Variants in ABR observed in about 807,000 individuals in gnomAD.
ABR encodes ABR activator of RhoGEF and GTPase.
Under a neutral mutation model 107.2 loss-of-function variants are expected in ABR, and 35 were observed. That is an observed-to-expected ratio of 0.33 (90% CI 0.25 to 0.43). The LOEUF (loss-of-function observed/expected upper bound fraction) is 0.43. Ranked by LOEUF, ABR falls within the 20% of genes least tolerant of loss-of-function variation. The probability of loss-of-function intolerance (pLI) is 1.00; values close to 1 mark genes in which losing one functional copy is unlikely to be tolerated. For synonymous variants in ABR, 498 were observed against 462.0 expected, an observed-to-expected ratio of 1.08 and a Z score of -1.00; for missense variants, 815 against 1,115.2, an observed-to-expected ratio of 0.73 and a Z score of 3.83.
chr17:1,013,104 C>T lies in ABR; in HGVS notation c.1851+1G>A. On this transcript the variant is annotated splice_donor_variant, in intron 17 of 22. Transcript: ENST00000302538. LOFTEE classifies it high-confidence loss of function. ...ACTGATCATTCCCATCCCCGGCTCA[C>T]CCCGTTCATCTCAATCACGTCCGTG... 6.2e-7 allele frequency: 1 copy of T among 1,614,082 alleles called. No homozygotes were observed. The highest frequency in any genetic ancestry group is 1.1e-5 in the South Asian group (1 of 91,084).
At chr17:1,125,139 C>T (rs191471413) in intron 2 of ABR, 44 bp downstream of exon 2, 16 of 1,525,140 alleles carry the variant, frequency 1.0e-5, no homozygotes, top group African/African-American at 2.8e-5. Flanking sequence ...CAGGCCTTCC[C>T]GTCACCCCTC....
intron 2 of ABR, among the ~76,000 whole-genome samples, chr17:1,112,178 C>A (rs73975635): frequency 5.3e-5 from 8 of 152,216 alleles, no homozygotes; most frequent in Non-Finnish European, 1.0e-4. Flanking sequence ...TTCATTCATA[C>A]CCAGAAAAGG....
intron 1 of ABR, among the ~76,000 whole-genome samples, chr17:1,149,318 G>A (rs1335908155): frequency 2.0e-5 from 3 of 152,282 alleles, no homozygotes; most frequent in African/African-American, 4.8e-5. Flanking sequence ...CAGGAGGCCA[G>A]GGGGCTGAAC....
At chr17:1,204,098 C>T (rs890681874) in intron 1 of ABR, among the ~76,000 whole-genome samples, 1 of 152,190 alleles carries the variant, frequency 6.6e-6, no homozygotes, top group Non-Finnish European at 1.5e-5. Context: ...GAAGCCACCA[C>T]CAGGGCTCCT....
intron 1 of ABR, among the ~76,000 whole-genome samples, chr17:1,203,953 C>T (rs1296388248): frequency 6.6e-6 from 1 of 152,180 alleles, no homozygotes; most frequent in East Asian, 1.9e-4. Flanking sequence ...CTTTCCTGTC[C>T]GGACCTCGGT....
chr17:1,115,954 A>C (rs563131110), intron 2 of ABR, among the ~76,000 whole-genome samples: 1 of 123,316 alleles, frequency 8.1e-6, no homozygotes, highest in East Asian at 2.6e-4. Flanking sequence ...AGGCTGGGCG[A>C]GGTGGCTCAC....
At chr17:1,222,892 G>A (rs2043143681) in intron 1 of ABR, among the ~76,000 whole-genome samples, 1 of 152,096 alleles carries the variant, frequency 6.6e-6, no homozygotes. Context: ...TTGGGCAACA[G>A]AGTAAGACCC....
chr17:1,134,356 G>A (rs2039969050), intron 1 of ABR, among the ~76,000 whole-genome samples: 4 of 152,092 alleles, frequency 2.6e-5, no homozygotes, highest in Admixed American at 2.6e-4. Flanking sequence ...AGGTTGCAGT[G>A]AGCTGAGATT....
At chr17:1,087,814 G>A (rs1377178382) in intron 4 of ABR, among the ~76,000 whole-genome samples, 1 of 152,208 alleles carries the variant, frequency 6.6e-6, no homozygotes, top group Non-Finnish European at 1.5e-5. Context: ...GCCAGGGGCA[G>A]GAGCCAGCCG....
rs963042262 is a variant in ABR, at chr17:1,168,882, G to A, written c.61+10785C>T. Among the ~76,000 whole-genome samples the A allele has an allele frequency of 3.3e-5, 5 of 152,244 alleles. No individual in the cohort carries two copies. The East Asian group carries it at 7.7e-4, about 23-fold the overall frequency. On this transcript the variant is annotated intron_variant, in intron 1 of 22. Coordinates refer to ENST00000302538, the MANE Select transcript of ABR (RefSeq NM_021962.5). Reference sequence around the variant, plus strand: ...TTCTGAAGATTCTACACCCAAAGATGGCACTTGGTGCCCCAGCTCATCCAG... The same window carrying A: ...TTCTGAAGATTCTACACCCAAAGATAGCACTTGGTGCCCCAGCTCATCCAG...
intron 1 of ABR, among the ~76,000 whole-genome samples, chr17:1,133,821 A>G (rs1289558643): frequency 5.9e-5 from 9 of 152,176 alleles, no homozygotes; most frequent in Admixed American, 5.9e-4. Flanking sequence ...TCTCATTACC[A>G]GGAACGGCTG....
chr17:1,100,582 A>T, intron 3 of ABR, 55 bp downstream of exon 3: 1 of 1,538,420 alleles, frequency 6.5e-7, no homozygotes, highest in Non-Finnish European at 9.0e-7. Context: ...AGAGCATGAC[A>T]TCACCCAACA....
intron 1 of ABR, among the ~76,000 whole-genome samples, chr17:1,158,991 C>T (rs895326735): frequency 1.3e-5 from 2 of 151,904 alleles, no homozygotes; most frequent in Non-Finnish European, 2.9e-5. Flanking sequence ...AGTCCTCTGG[C>T]GATGAGCAGA....
intron 1 of ABR, among the ~76,000 whole-genome samples, chr17:1,196,741 C>T (rs2042576676): frequency 6.7e-6 from 1 of 150,184 alleles, no homozygotes; most frequent in African/African-American, 2.5e-5. Flanking sequence ...GTCGCCCAGG[C>T]TGGAGTGCAG....
intron 1 of ABR, chr17:1,178,087 A>T (rs547170474): frequency 2.0e-5 from 3 of 152,558 alleles, no homozygotes; most frequent in African/African-American, 7.2e-5. Context: ...AGGAACATGG[A>T]TGGAGGAGGA....
intron 1 of ABR, among the ~76,000 whole-genome samples, chr17:1,161,065 C>G (rs998590762): frequency 6.6e-6 from 1 of 152,076 alleles, no homozygotes; most frequent in African/African-American, 2.4e-5. Context: ...CATCCCTTCT[C>G]AGGGATACAA....
At chr17:1,145,117 G>C (rs912080555) in intron 1 of ABR, among the ~76,000 whole-genome samples, 12 of 152,206 alleles carry the variant, frequency 7.9e-5, no homozygotes, top group Admixed American at 1.3e-4. Flanking sequence ...GGTATATTCT[G>C]TCTTCCCCGC....
intron 16 of ABR, among the ~76,000 whole-genome samples, chr17:1,035,717 G>A (rs563162720): frequency 8.2e-4 from 105 of 127,526 alleles, no homozygotes; most frequent in South Asian, 3.7e-3. Context: ...AGGCCCCCAC[G>A]AACAGATGTC....
rs375784053 is a variant in ABR at position 1,078,414 on chromosome 17, G to A, written c.700+916C>T. Among the ~76,000 whole-genome samples, 5 of 152,106 alleles carry A rather than the reference G, an allele frequency of 3.3e-5. No homozygotes were observed. Among genetic ancestry groups the A allele is most frequent in the African/African-American group, 1.2e-4 (5 of 41,426 alleles). Reference sequence around the variant, plus strand: ...CTCTCGGCTGGCAACGCCGCCGTCCGGACCATCGCCACCCATCGCCACGCT... The same window carrying A: ...CTCTCGGCTGGCAACGCCGCCGTCCAGACCATCGCCACCCATCGCCACGCT... On this transcript the variant is annotated intron_variant, in intron 6 of 22. Transcript: ENST00000302538. The surrounding 1 kb of genome is among the most constrained non-coding windows in gnomAD (Gnocchi z 7.5).
Sources: gnomAD v4.1 joint callset for allele counts (sites outside exome capture counted in the v4.1 genomes callset) on GRCh38, gnomAD v4.1.1 for gene constraint, Gnocchi (gnomAD v3.1) non-coding constraint, MANE v1.5 for transcripts, NCBI Gene and HGNC (gene_info 2026-07-23, HGNC 2026-07-21) for gene names.